SYNJ2: variants seen among roughly 807,000 people sequenced by gnomAD.
The protein encoded by SYNJ2 is synaptojanin 2, also known as polyphosphatidylinositol phosphatase SYNJ2.
A neutral mutation model predicts 141.3 loss-of-function variants in SYNJ2; 116 were observed. The ratio of observed to expected loss-of-function variants is 0.82; its 90% CI spans 0.71 to 0.96. The LOEUF (loss-of-function observed/expected upper bound fraction) is 0.96, where lower values mean the gene tolerates loss of function less well. Ranked by LOEUF, SYNJ2 falls within the 40% of genes least tolerant of loss-of-function variation. SYNJ2 has a pLI of 0.00. For missense variants in SYNJ2, 1,873 were observed against 1,934.8 expected (o/e 0.97, Z 0.60); for synonymous variants, 745 against 777.7 (o/e 0.96, Z 0.70).
intron 25 of SYNJ2, among the ~76,000 whole-genome samples, chr6:158,090,966 A>G (rs973544870): frequency 5.9e-5 from 9 of 152,168 alleles, no homozygotes; most frequent in Non-Finnish European, 1.2e-4. Context: ...AAGGTCGAGA[A>G]CTACTGTTGT....
rs1435308156 is a variant in SYNJ2 at position 158,088,771 on chromosome 6, C to T, written c.3455C>T (p.Pro1152Leu). Residue 1152 changes from proline to leucine, a missense_variant and splice_region_variant, in exon 24 of 27, where the codon CCT becomes CTT. By Grantham distance (98) the Pro-to-Leu change is moderately conservative (BLOSUM62 -3). Coordinates refer to ENST00000355585, the MANE Select transcript of SYNJ2 (RefSeq NM_003898.4). ...CTTCTACCAGGAGCACCTCAGCAAC[C>T]TGTGAGTTCTTCTGCATACATTTCA... ...ARLLPGAPQQ[P>L]PKARTGISKP... 12 of 1,606,008 alleles carry T rather than the reference C, an allele frequency of 7.5e-6. No individual in the cohort carries two copies. The highest frequency in any genetic ancestry group is 4.0e-5 in the African/African-American group (3 of 74,750).
intron 1 of SYNJ2, among the ~76,000 whole-genome samples, chr6:157,986,004 G>A (rs1011252848): frequency 6.6e-6 from 1 of 152,200 alleles, no homozygotes; most frequent in Admixed American, 6.5e-5. Context: ...GATGGCCCCA[G>A]GGCAGAGCAG....
chr6:158,064,937 G>A lies in SYNJ2; in HGVS notation c.1471G>A (p.Gly491Ser), dbSNP rs147794148. 27 of 1,612,750 alleles carry A rather than the reference G, an allele frequency of 1.7e-5. No homozygotes were observed. Among genetic ancestry groups the A allele is most frequent in the East Asian group, 4.5e-5 (2 of 44,840 alleles). Residue 491 changes from glycine (G) to serine (S), a missense_variant, in exon 11 of 27, where the codon GGC becomes AGC. Transcript: ENST00000355585. Reference protein sequence around the residue: ...IKLLLVGDVYGEEVADKGGML... With the variant: ...IKLLLVGDVYSEEVADKGGML... ...GCTGCTGCTGGTTGGGGACGTCTACGGCGAGGAGGTGGCAGACAAAGGGGG... is the reference window on the plus strand; with the variant it reads ...GCTGCTGCTGGTTGGGGACGTCTACAGCGAGGAGGTGGCAGACAAAGGGGG...
chr6:158,096,401 A>T lies in SYNJ2; in HGVS notation c.*37A>T, dbSNP rs1005631846. 2 of 1,536,438 alleles carry T rather than the reference A, an allele frequency of 1.3e-6. No individual in the cohort carries two copies. The highest frequency in any genetic ancestry group is 1.7e-6 in the Non-Finnish European group (2 of 1,147,650). On this transcript the variant is annotated 3_prime_UTR_variant, in exon 27 of 27. Coordinates refer to ENST00000355585, the MANE Select transcript of SYNJ2 (RefSeq NM_003898.4). ...TGAAGGCTGCAGTCCTATAGAATGC[A>T]TACCTTCCTCCCTCTAGACATCCCT...
intron 26 of SYNJ2, chr6:158,094,140 G>A: frequency 3.1e-6 from 2 of 634,998 alleles, no homozygotes; most frequent in Non-Finnish European, 5.6e-6. Context: ...GTATTTCCTG[G>A]GTTGCTCTTC....
chr6:158,066,620 G>C lies in SYNJ2; in HGVS notation c.1702G>C (p.Ala568Pro). The change falls in exon 12 of 27, where the codon GCT (alanine) becomes CCT (proline). Residue 568 changes from alanine to proline, a missense_variant. Physicochemically the swap from Ala to Pro is conservative, Grantham distance 27 (BLOSUM62 -1). Coordinates refer to ENST00000355585, the MANE Select transcript of SYNJ2 (RefSeq NM_003898.4). ...WLLDSPQLSG[A>P]TDSQDDSSPA... ...GCTCGACTCGCCCCAGCTCTCGGGA[G>C]CTACCGACTCCCAGGGTGAGGGCAG... is the stretch of plus-strand genomic sequence containing the variant. 1 of 1,613,644 alleles carries C rather than the reference G, an allele frequency of 6.2e-7. No individual in the cohort carries two copies.
intron 26 of SYNJ2, 32 bp downstream of exon 26, chr6:158,093,136 C>G: frequency 6.3e-7 from 1 of 1,595,992 alleles, no homozygotes; most frequent in African/African-American, 1.4e-5. Context: ...ACCTCTTACT[C>G]CTAAGTTGCT....
Position 158,070,596 on chromosome 6 carries a change from A to C in SYNJ2, c.1940+923A>C, listed in dbSNP as rs148467985. 8.3e-4 allele frequency: 667 copies of C among 802,096 alleles called. 5 individuals are homozygous for C. The African/African-American group carries it at 0.012, about 14-fold the overall frequency. 49.7% of individuals were successfully genotyped at this position (802,096 alleles called of 1,614,324 possible). On this transcript the variant is annotated intron_variant, in intron 14 of 26. Coordinates refer to ENST00000355585, the MANE Select transcript of SYNJ2 (RefSeq NM_003898.4). This position sits in a 1 kb window ranked among gnomAD's most constrained non-coding sequence, Gnocchi z 4.0. ...AGAGCTGAGGAGAGCCAGGTTTCCC[A>C]GGCTCGGTGTCCTCGGCTTCACGTG...
rs138303703 is a variant in SYNJ2, at chr6:158,084,320, G to A, written c.3208+146G>A. The A allele has an allele frequency of 1.1e-4, 92 of 869,598 alleles. No individual in the cohort carries two copies. Among genetic ancestry groups the A allele is most frequent in the Non-Finnish European group, 1.4e-4 (82 of 573,890 alleles). 53.9% of individuals were successfully genotyped at this position (869,598 alleles called of 1,614,324 possible). ...CTCAACCAGGCAGGCCAAGCGAGGGGTAGGGACTGAGCCCTGTGGAGGTAG... is the reference window on the plus strand; with the variant it reads ...CTCAACCAGGCAGGCCAAGCGAGGGATAGGGACTGAGCCCTGTGGAGGTAG... On this transcript the variant is annotated intron_variant, in intron 22 of 26. Transcript: ENST00000355585. This position sits in a 1 kb window ranked among gnomAD's most constrained non-coding sequence, Gnocchi z 5.0.
chr6:158,069,477 GAGAT>G, intron 13 of SYNJ2, 52 bp from the exon 14 acceptor site: 1 of 1,575,690 alleles, frequency 6.3e-7, no homozygotes. Flanking sequence ...TGGTAGGTGG[GAGAT>G]AGATGTACTT....
chr6:158,039,142 C>T (rs866244468), intron 4 of SYNJ2, among the ~76,000 whole-genome samples: 3 of 152,262 alleles, frequency 2.0e-5, no homozygotes, highest in Non-Finnish European at 2.9e-5. Flanking sequence ...GGGAACCCCT[C>T]GCTTTCTGTC....
At chr6:158,002,178 T>C in intron 1 of SYNJ2, 1 of 151,638 alleles carries the variant, frequency 6.6e-6, no homozygotes, top group Non-Finnish European at 1.5e-5. Flanking sequence ...CTCCAGAGCC[T>C]AGAACCATGC....
chr6:158,034,644 G>A (rs935404527), intron 4 of SYNJ2, among the ~76,000 whole-genome samples: 1 of 152,218 alleles, frequency 6.6e-6, no homozygotes. Context: ...GCAATTACTT[G>A]CCTGTAATTC....
At chr6:158,017,405 CTTTTTTTTTT>C (rs34667973) in intron 2 of SYNJ2, 115 bp downstream of exon 2, 27 of 600,488 alleles carry the variant, frequency 4.5e-5, no homozygotes, top group South Asian at 3.1e-4. Flanking sequence ...TCTCTCTCTT[CTTTTTTTTTT>C]TTTTTTTTTT....
rs898052273 is a variant in SYNJ2, at chr6:158,071,147, C to T, written c.1941-455C>T. Among the ~76,000 whole-genome samples the T allele has an allele frequency of 6.6e-6, 1 of 152,204 alleles. No homozygotes were observed. Among genetic ancestry groups the T allele is most frequent in the Non-Finnish European group, 1.5e-5 (1 of 68,038 alleles). On this transcript the variant is annotated intron_variant, in intron 14 of 26. Coordinates refer to ENST00000355585, the MANE Select transcript of SYNJ2 (RefSeq NM_003898.4). The surrounding 1 kb of genome is among the most constrained non-coding windows in gnomAD (Gnocchi z 4.3). Reference sequence around the variant, plus strand: ...GCAGTGAGCTGAGATCACGCTGCTGCACTCCAGCCAGGGTGACAGAGCGAG... The same window carrying T: ...GCAGTGAGCTGAGATCACGCTGCTGTACTCCAGCCAGGGTGACAGAGCGAG...
intron 2 of SYNJ2, among the ~76,000 whole-genome samples, chr6:158,021,970 T>G (rs1778797435): frequency 1.3e-5 from 2 of 152,162 alleles, no homozygotes; most frequent in Admixed American, 6.5e-5. Context: ...TGAGGAAGGA[T>G]CTGCACCAGG....
intron 2 of SYNJ2, among the ~76,000 whole-genome samples, chr6:158,025,591 C>T (rs965092585): frequency 5.3e-5 from 8 of 151,988 alleles, no homozygotes; most frequent in African/African-American, 7.3e-5. Context: ...ACCCAGGAGG[C>T]GGAGGTAGCA....
intron 5 of SYNJ2, among the ~76,000 whole-genome samples, chr6:158,045,730 G>A (rs1780204356): frequency 6.6e-6 from 1 of 151,866 alleles, no homozygotes; most frequent in Admixed American, 6.6e-5. Context: ...ACTCCTTTTT[G>A]TCGTTCCCCT....
chr6:157,983,443 T>C (rs1323290411), intron 1 of SYNJ2, among the ~76,000 whole-genome samples: 1 of 152,238 alleles, frequency 6.6e-6, no homozygotes, highest in African/African-American at 2.4e-5. Flanking sequence ...GATGTCTACT[T>C]CATACCACAT....
Sources: allele counts gnomAD v4.1 joint callset (sites outside exome capture counted in the v4.1 genomes callset), GRCh38; gene constraint gnomAD v4.1.1; non-coding constraint Gnocchi (gnomAD v3.1); transcripts MANE v1.5; gene names NCBI Gene and HGNC (gene_info 2026-07-23, HGNC 2026-07-21).